Variants in SLF1 observed in about 807,000 individuals in gnomAD.
SLF1 encodes the protein SMC5-SMC6 complex localization factor protein 1.
Under a neutral mutation model 123.0 loss-of-function variants are expected in SLF1, and 105 were observed. The observed-to-expected ratio is 0.85, with a 90% CI of 0.73 to 1.00. SLF1 has a LOEUF of 1.00. Among genes scored for constraint, SLF1 ranks in the 50% least tolerant of loss-of-function variants. SLF1 has a pLI of 0.00. For synonymous variants in SLF1, 434 were observed against 406.6 expected, an observed-to-expected ratio of 1.07 and a Z score of -0.81; for missense variants, 1,239 against 1,223.0, an observed-to-expected ratio of 1.01 and a Z score of -0.20.
intron 5 of SLF1, 85 bp downstream of exon 5, chr5:94,643,520 T>G: frequency 9.8e-7 from 1 of 1,022,098 alleles, no homozygotes; most frequent in East Asian, 3.2e-5. Context: ...TATATTAAAG[T>G]TGTGTTCTAA....
At chr5:94,632,769 C>T (rs1220902835) in intron 4 of SLF1, among the ~76,000 whole-genome samples, 4 of 151,560 alleles carry the variant, frequency 2.6e-5, no homozygotes, top group East Asian at 3.9e-4. Context: ...GGTGCAATCT[C>T]GGCTCACTGG....
rs186227520 is a variant in SLF1, at chr5:94,625,265, C to T, written c.1-3546C>T. Among the ~76,000 whole-genome samples, 12 of 151,642 alleles carry T rather than the reference C, an allele frequency of 7.9e-5. No homozygotes were observed. The East Asian group carries it at 9.7e-4, about 12-fold the overall frequency. On this transcript the variant is annotated intron_variant, in intron 1 of 20. Coordinates refer to ENST00000265140, the MANE Select transcript of SLF1 (RefSeq NM_032290.4). ...CTGATAACAGTGGTTTTTGATAAAA[C>T]CAATTAGATAAAAACAAGTATTGAT...
chr5:94,660,938 A>T (rs1749027724), intron 9 of SLF1, among the ~76,000 whole-genome samples: 2 of 151,992 alleles, frequency 1.3e-5, no homozygotes, highest in Non-Finnish European at 2.9e-5. Flanking sequence ...TGTAGGTGAG[A>T]GTGCTGGCCA....
At chr5:94,688,701 G>T (rs374392586) in intron 17 of SLF1, 32 bp downstream of exon 17, 1 of 1,608,942 alleles carries the variant, frequency 6.2e-7, no homozygotes, top group Non-Finnish European at 8.5e-7. Flanking sequence ...GCTGTGCTTT[G>T]TTTTGGAGTA....
chr5:94,631,955 A>C (rs1405738955), intron 4 of SLF1, among the ~76,000 whole-genome samples: 1 of 145,364 alleles, frequency 6.9e-6, no homozygotes, highest in Admixed American at 7.6e-5. Context: ...GTCTCTACAA[A>C]ATTTTTTTTT....
At chr5:94,663,707 TTA>T (rs1482662804) in intron 10 of SLF1, 41 bp from the exon 11 acceptor site, 12 of 1,402,630 alleles carry the variant, frequency 8.6e-6, no homozygotes, top group African/African-American at 1.5e-5. Context: ...TTGCAAAATT[TTA>T]TCTTTCTTTT....
At chr5:94,674,750 A>T (rs796405913) in intron 14 of SLF1, among the ~76,000 whole-genome samples, 1 of 152,234 alleles carries the variant, frequency 6.6e-6, no homozygotes, top group East Asian at 1.9e-4. Flanking sequence ...CATTGTCATT[A>T]ATCTGAGAAA....
intron 5 of SLF1, among the ~76,000 whole-genome samples, chr5:94,647,769 T>TAG (rs1747229895): frequency 6.6e-6 from 1 of 151,954 alleles, no homozygotes; most frequent in Non-Finnish European, 1.5e-5. Flanking sequence ...TAGAGAAAAA[T>TAG]ATGTGGATCA....
At chr5:94,654,841 GATTC>G in intron 9 of SLF1, 89 bp downstream of exon 9, 1 of 926,344 alleles carries the variant, frequency 1.1e-6, no homozygotes, top group African/African-American at 1.7e-5. Flanking sequence ...ATATACATAT[GATTC>G]ATTAGTATGT....
intron 6 of SLF1, among the ~76,000 whole-genome samples, chr5:94,650,340 A>T (rs559895939): frequency 2.0e-5 from 3 of 150,450 alleles, no homozygotes. Flanking sequence ...TTTGAAAGGT[A>T]ATTCTAGGAA....
chr5:94,624,829 A>G (rs1000353418), intron 1 of SLF1, among the ~76,000 whole-genome samples: 1 of 152,070 alleles, frequency 6.6e-6, no homozygotes. Context: ...CATTAAATAG[A>G]CCTTGAAACT....
Position 94,677,332 on chromosome 5 carries a change from G to GA in SLF1, c.1828-1470dup, listed in dbSNP as rs540990217. On this transcript the variant is annotated intron_variant, in intron 14 of 20. Coordinates refer to ENST00000265140, the MANE Select transcript of SLF1 (RefSeq NM_032290.4). ...TGTCGTCTAGGCTTGTTGGATATGTGAAAAAATCACAAAACAGTTGGGTAA... is the reference window on the plus strand; with the variant it reads ...TGTCGTCTAGGCTTGTTGGATATGTGAAAAAAATCACAAAACAGTTGGGTAA... Among the ~76,000 whole-genome samples, 42 of 152,096 alleles carry GA rather than the reference G, an allele frequency of 2.8e-4. No homozygotes were observed. The South Asian group carries it at 6.6e-3, about 24-fold the overall frequency.
chr5:94,627,687 G>A (rs1744672030), intron 1 of SLF1, among the ~76,000 whole-genome samples: 1 of 144,684 alleles, frequency 6.9e-6, no homozygotes, highest in Non-Finnish European at 1.5e-5. Context: ...TTTACTAAAT[G>A]CTGTGAGACC....
At chr5:94,639,229 G>A (rs1037656290) in intron 4 of SLF1, among the ~76,000 whole-genome samples, 1 of 151,716 alleles carries the variant, frequency 6.6e-6, no homozygotes, top group Non-Finnish European at 1.5e-5. Context: ...TATTAGAAAC[G>A]GGGTTTCACC....
At chr5:94,624,609 C>T (rs1792069637) in intron 1 of SLF1, among the ~76,000 whole-genome samples, 1 of 152,058 alleles carries the variant, frequency 6.6e-6, no homozygotes, top group South Asian at 2.1e-4. Context: ...TTCTGTATAA[C>T]TTGTTTAATT....
intron 15 of SLF1, among the ~76,000 whole-genome samples, chr5:94,685,917 A>G (rs1420856901): frequency 6.6e-6 from 1 of 151,120 alleles, no homozygotes; most frequent in African/African-American, 2.4e-5. Context: ...TGCTCGTTTC[A>G]TGTTTTTCTT....
chr5:94,632,495 G>A (rs1436543575), intron 4 of SLF1, among the ~76,000 whole-genome samples: 1 of 152,098 alleles, frequency 6.6e-6, no homozygotes, highest in Non-Finnish European at 1.5e-5. Context: ...CTTCCTATTA[G>A]TGAACTATGT....
Position 94,678,924 on chromosome 5 carries a change from C to T in SLF1, c.1944C>T (p.Asp648=), listed in dbSNP as rs761080792. 13 of 1,613,256 alleles carry T rather than the reference C, an allele frequency of 8.1e-6. No individual in the cohort carries two copies. In the East Asian group the frequency reaches 2.7e-4, roughly 33 times the overall value. The part of the protein sequence containing the change: ...GRNVMRHMSD[D]LGSYVSLSCD... ...ATGTGATGCGACACATGTCTGATGA[C>T]TTAGGAAGTTATGTTTCTCTTTCGT... The change falls in exon 15 of 21, where the codon GAC becomes GAT. Residue 648 remains aspartate (D), a synonymous_variant. Coordinates refer to ENST00000265140, the MANE Select transcript of SLF1 (RefSeq NM_032290.4).
intron 5 of SLF1, among the ~76,000 whole-genome samples, chr5:94,648,543 G>GTGA (rs1450508792): frequency 6.6e-6 from 1 of 152,178 alleles, no homozygotes; most frequent in Non-Finnish European, 1.5e-5. Context: ...GTGCAGTGGT[G>GTGA]TGATCTTGGC....
Sources: allele counts gnomAD v4.1 joint callset (sites outside exome capture counted in the v4.1 genomes callset), GRCh38; gene constraint gnomAD v4.1.1; transcripts MANE v1.5; gene names NCBI Gene and HGNC (gene_info 2026-07-23, HGNC 2026-07-21).